Variants in SUN1 observed in about 807,000 individuals in gnomAD.
SUN1 encodes Sad1 and UNC84 domain containing 1.
A neutral mutation model predicts 103.2 loss-of-function variants in SUN1; 61 were observed. The ratio of observed to expected loss-of-function variants is 0.59; its 90% CI spans 0.48 to 0.73. The LOEUF (loss-of-function observed/expected upper bound fraction) is 0.73. Ranked by LOEUF, SUN1 falls within the 30% of genes least tolerant of loss-of-function variation. SUN1 has a pLI of 0.00. For missense variants in SUN1, 1,052 were observed against 1,034.6 expected (o/e 1.02, Z -0.23); for synonymous variants, 490 against 425.7 (o/e 1.15, Z -1.86).
chr7:840,933 G>A (rs148564785), intron 2 of SUN1, among the ~76,000 whole-genome samples: 51 of 151,482 alleles, frequency 3.4e-4, no homozygotes, highest in African/African-American at 1.0e-3. Flanking sequence ...GAGCCACTGC[G>A]CCTGGCCCTT....
At chr7:833,396 C>A (rs976247073) in intron 1 of SUN1, among the ~76,000 whole-genome samples, 20 of 151,716 alleles carry the variant, frequency 1.3e-4, no homozygotes, top group Non-Finnish European at 2.9e-4. Flanking sequence ...CTGCAACATC[C>A]GCCTCCCAGA....
intron 1 of SUN1, chr7:817,381 G>T: frequency 6.5e-7 from 1 of 1,531,358 alleles, no homozygotes; most frequent in Non-Finnish European, 8.7e-7. Context: ...GCGCCCTGTT[G>T]CGCCTTCAAA....
At chr7:825,752 G>A (rs1791119759) in intron 1 of SUN1, among the ~76,000 whole-genome samples, 1 of 152,130 alleles carries the variant, frequency 6.6e-6, no homozygotes. Flanking sequence ...ACATGAGCAT[G>A]ATCTTTGGAA....
chr7:851,990 A>C lies in SUN1; in HGVS notation c.798A>C (p.Gly266=). Residue 266 remains glycine (G), a synonymous_variant, in exon 7 of 19, where the codon GGA becomes GGC. Transcript: ENST00000401592. ...ASGVFWWLGI[G]WYQFVTLISW... ...GAGTGTTCTGGTGGCTGGGGATTGG[A>C]TGGTACCAGTTTGTTACTTTGATTT... 1.2e-6 allele frequency: 2 copies of C among 1,613,936 alleles called. No individual in the cohort carries two copies. Among genetic ancestry groups the C allele is most frequent in the Admixed American group, 3.3e-5 (2 of 59,994 alleles).
At position 852,642 on chromosome 7, in the gene SUN1, G is replaced by C. The variant is rs187616677; in HGVS notation, c.885G>C (p.Leu295Phe). 79 of 1,614,130 alleles carry C rather than the reference G, an allele frequency of 4.9e-5. No individual in the cohort carries two copies. In the East Asian group the frequency reaches 1.7e-3, roughly 36 times the overall value. ...GAAACATCTGCAAGTTTTTAGTCTTGCTCATCCCACTCTTCCTTTTACTAG... is the reference window on the plus strand; with the variant it reads ...GAAACATCTGCAAGTTTTTAGTCTTCCTCATCCCACTCTTCCTTTTACTAG... Reference protein sequence around the residue: ...CLRNICKFLVLLIPLFLLLAG... With the variant: ...CLRNICKFLVFLIPLFLLLAG... The change falls in exon 8 of 19, where the codon TTG (leucine) becomes TTC (phenylalanine). Residue 295 changes from leucine to phenylalanine, a missense_variant. Leu to Phe is a conservative substitution (Grantham distance 22). Transcript: ENST00000401592.
chr7:817,667 C>T (rs776356619), intron 1 of SUN1, among the ~76,000 whole-genome samples: 6 of 152,188 alleles, frequency 3.9e-5, no homozygotes, highest in Admixed American at 6.5e-5. Context: ...TGTATGAAGG[C>T]TTTTGTGTGT....
chr7:828,267 GT>G (rs61451310), upstream of SUN1, among the ~76,000 whole-genome samples: 62,196 of 148,754 alleles, frequency 0.42, 13,819 homozygotes, highest in African/African-American at 0.55. Context: ...TTTGTTTTTT[GT>G]TTTTGTTTTG....
intron 17 of SUN1, among the ~76,000 whole-genome samples, chr7:871,905 C>A (rs1204334213): frequency 6.6e-6 from 1 of 152,218 alleles, no homozygotes; most frequent in African/African-American, 2.4e-5. Flanking sequence ...GGCGTTAAGC[C>A]CAGTCACACT....
intron 1 of SUN1, among the ~76,000 whole-genome samples, chr7:823,650 A>G (rs1788557571): frequency 6.6e-6 from 1 of 152,206 alleles, no homozygotes. Flanking sequence ...AGTCTGTGCG[A>G]ACAAGGTAGG....
In SUN1 at chr7:873,525, A is replaced by C; in HGVS notation, c.*194A>C. 2 of 568,884 alleles carry C rather than the reference A, an allele frequency of 3.5e-6. No individual in the cohort carries two copies. The highest frequency in any genetic ancestry group is 6.2e-6 in the Non-Finnish European group (2 of 322,098). 35.2% of individuals were successfully genotyped at this position (568,884 alleles called of 1,614,324 possible). On this transcript the variant is annotated 3_prime_UTR_variant, in exon 19 of 19. Coordinates refer to ENST00000401592, the MANE Select transcript of SUN1 (RefSeq NM_001130965.3). ...CCTGTTGGGTGCTCACTGCCTCTGC[A>C]GGTGCAGAGGGGTCAGCAGCAGGAG...
intron 15 of SUN1, among the ~76,000 whole-genome samples, chr7:864,577 C>G (rs1473344868): frequency 7.1e-6 from 1 of 140,578 alleles, no homozygotes; most frequent in African/African-American, 2.6e-5. Flanking sequence ...AAAAAAAGCA[C>G]AATGAAGTTC....
intron 11 of SUN1, 85 bp downstream of exon 11, chr7:855,091 G>A (rs983939879): frequency 9.3e-7 from 1 of 1,071,672 alleles, no homozygotes; most frequent in Admixed American, 2.3e-5. Flanking sequence ...GTCATTTAAT[G>A]TTCCTCTTTT....
At position 855,001 on chromosome 7, in the gene SUN1, T is replaced by A; in HGVS notation, c.1345T>A (p.Ser449Thr). Reference protein sequence around the residue: ...EDILGKLREKSEAIQKELEQT... With the variant: ...EDILGKLREKTEAIQKELEQT... ...TATTCTGGGAAAACTGAGAGAAAAA[T>A]CTGAGGTATTTATTTTTGACCTTAC... Residue 449 changes from serine to threonine, a missense_variant, in exon 11 of 19, where the codon TCT becomes ACT. By Grantham distance (58) the Ser-to-Thr change is moderately conservative. This residue lies in a region of SUN1 where 846 missense variants were observed against 774.5 expected (regional missense o/e 1.09). Transcript: ENST00000401592. 6.2e-7 allele frequency: 1 copy of A among 1,610,396 alleles called. No homozygotes were observed. Among genetic ancestry groups the A allele is most frequent in the South Asian group, 1.1e-5 (1 of 90,614 alleles).
chr7:851,768 G>C, intron 6 of SUN1, 182 bp from the exon 7 acceptor site: 1 of 642,970 alleles, frequency 1.6e-6, no homozygotes, highest in Non-Finnish European at 2.7e-6. Context: ...TCTGTCCTGT[G>C]TGTTCATCAG....
chr7:853,129 A>G, intron 9 of SUN1, 177 bp downstream of exon 9: 1 of 843,890 alleles, frequency 1.2e-6, no homozygotes, highest in African/African-American at 1.7e-5. Context: ...TCAAATGCAC[A>G]TTTAAAGTAC....
At chr7:853,058 G>A in intron 9 of SUN1, 106 bp downstream of exon 9, 1 of 1,419,336 alleles carries the variant, frequency 7.0e-7, no homozygotes, top group Non-Finnish European at 9.3e-7. Context: ...CCTGTTGTAA[G>A]AAGTATTTTT....
At chr7:821,257 C>T (rs574355447) in intron 1 of SUN1, among the ~76,000 whole-genome samples, 9 of 145,838 alleles carry the variant, frequency 6.2e-5, no homozygotes, top group African/African-American at 7.7e-5. Flanking sequence ...GCAACCTCTG[C>T]CTCCCATGTT....
chr7:843,034 A>C (rs1811695762), intron 3 of SUN1, 172 bp from the exon 4 acceptor site: 1 of 891,800 alleles, frequency 1.1e-6, no homozygotes, highest in Admixed American at 2.7e-5. Context: ...CTTCAGTCAG[A>C]AGATGGTATC....
chr7:856,419 A>G lies in SUN1; in HGVS notation c.1394+18A>G. 6.2e-7 allele frequency: 1 copy of G among 1,613,996 alleles called. No homozygotes were observed. The highest frequency in any genetic ancestry group is 2.2e-5 in the East Asian group (1 of 44,876). ...ACAATCAGGTAGGAGGATTTGGAAA[A>G]CATTCACTTTTGTCTTCGGTGTGTG... On this transcript the variant is annotated intron_variant, in intron 12 of 18. Coordinates refer to ENST00000401592, the MANE Select transcript of SUN1 (RefSeq NM_001130965.3).
Sources: gnomAD v4.1 joint callset for allele counts (sites outside exome capture counted in the v4.1 genomes callset) on GRCh38, gnomAD v4.1.1 for gene constraint, gnomAD v4.1.1 regional missense constraint, MANE v1.5 for transcripts, NCBI Gene and HGNC (gene_info 2026-07-23, HGNC 2026-07-21) for gene names.